EXTL3: variants seen among roughly 807,000 people sequenced by gnomAD.
The protein encoded by EXTL3 is exostosin-like 3.
EXTL3 carries 27 observed loss-of-function variants against 69.3 expected under a neutral mutation model. The ratio of observed to expected loss-of-function variants is 0.39; its 90% CI spans 0.29 to 0.54. The LOEUF is 0.54. EXTL3 is among the 20% of genes least tolerant of loss of function. The probability of loss-of-function intolerance (pLI) is 0.69; values close to 1 mark genes in which losing one functional copy is unlikely to be tolerated. For synonymous variants in EXTL3, 511 were observed against 499.4 expected (o/e 1.02, Z -0.31); for missense variants, 1,003 against 1,231.8 (o/e 0.81, Z 2.78).
At chr8:28,742,865 C>T (rs1801808781) in intron 5 of EXTL3, 2 of 555,644 alleles carry the variant, frequency 3.6e-6, no homozygotes, top group Admixed American at 2.6e-5. Flanking sequence ...CATTCTGTTA[C>T]TAAAGGGGGT....
chr8:28,629,449 G>A (rs75850768), intron 1 of EXTL3, among the ~76,000 whole-genome samples: 3,044 of 152,018 alleles, frequency 0.02, 106 homozygotes, highest in African/African-American at 0.071. Context: ...TCTGAGGGCC[G>A]ACAACGTGTC....
At chr8:28,668,841 C>G (rs898920269) in intron 1 of EXTL3, among the ~76,000 whole-genome samples, 6 of 149,566 alleles carry the variant, frequency 4.0e-5, no homozygotes, top group Non-Finnish European at 7.4e-5. Flanking sequence ...CAATAGCATA[C>G]CCCTGCCTCC....
chr8:28,685,682 A>G (rs1007581667), intron 1 of EXTL3, among the ~76,000 whole-genome samples: 5 of 151,962 alleles, frequency 3.3e-5, no homozygotes, highest in African/African-American at 1.2e-4. Context: ...CCAGAATTAT[A>G]TGGCATTTTG....
intron 3 of EXTL3, chr8:28,730,348 C>G (rs1801511624): frequency 6.6e-6 from 1 of 152,068 alleles, no homozygotes; most frequent in Admixed American, 6.6e-5. Flanking sequence ...TAATGGTTCC[C>G]CTTTGGTTGG....
At chr8:28,647,959 G>T (rs540444247) in intron 1 of EXTL3, among the ~76,000 whole-genome samples, 130 of 138,244 alleles carry the variant, frequency 9.4e-4, no homozygotes, top group African/African-American at 3.7e-3. Context: ...ATGGGTTGGG[G>T]GTGGGTTGGG....
upstream of EXTL3, among the ~76,000 whole-genome samples, chr8:28,619,306 A>C (rs981441252): frequency 3.7e-5 from 4 of 108,286 alleles, no homozygotes; most frequent in East Asian, 2.5e-4. Context: ...AAAAAAAAAA[A>C]AAAAAAAAAC....
rs559155488 is a variant in EXTL3, at chr8:28,728,918, G to A, written c.2149-2305G>A. ...TAAAAGAAAAAAAAATTTAAGTTCT[G>A]TAATCAAGTAAACAAGGGATCATCA... On this transcript the variant is annotated intron_variant, in intron 3 of 6. Transcript: ENST00000220562. Among the ~76,000 whole-genome samples the A allele has an allele frequency of 2.0e-5, 3 of 152,150 alleles. No individual in the cohort carries two copies. The South Asian group carries it at 6.2e-4, about 32-fold the overall frequency.
chr8:28,663,047 T>C (rs1030746661), intron 1 of EXTL3, among the ~76,000 whole-genome samples: 1 of 152,236 alleles, frequency 6.6e-6, no homozygotes, highest in African/African-American at 2.4e-5. Context: ...AAAAACCCTA[T>C]GCTGATTTAT....
At chr8:28,670,412 C>T (rs1807267827) in intron 1 of EXTL3, among the ~76,000 whole-genome samples, 2 of 152,016 alleles carry the variant, frequency 1.3e-5, no homozygotes, top group African/African-American at 4.8e-5. Flanking sequence ...TTGACTCACA[C>T]AATTATGAAG....
chr8:28,703,155 T>C (rs925750448), intron 1 of EXTL3, among the ~76,000 whole-genome samples: 5 of 152,218 alleles, frequency 3.3e-5, no homozygotes, highest in Admixed American at 6.5e-5. Context: ...CAAGAGAGAA[T>C]CGAGCCTAAG....
rs201017741 is a variant in EXTL3 at position 28,743,249 on chromosome 8, T to C, written c.2550+35T>C. On this transcript the variant is annotated intron_variant, in intron 6 of 6. Transcript: ENST00000220562. ...CACCACTGGTGGGGCTGTGGATGCG[T>C]GCATGTTTACTTCACTTGTTTTGCA... The C allele has an allele frequency of 1.2e-5, 19 of 1,613,772 alleles. No individual in the cohort carries two copies. In the Middle Eastern group the frequency reaches 5.0e-4, roughly 42 times the overall value.
intron 6 of EXTL3, among the ~76,000 whole-genome samples, chr8:28,747,961 C>T (rs1801924305): frequency 6.6e-6 from 1 of 152,132 alleles, no homozygotes; most frequent in Admixed American, 6.5e-5. Context: ...AAACTGAGCT[C>T]AAGTGATCCG....
intron 1 of EXTL3, among the ~76,000 whole-genome samples, chr8:28,703,809 TAGCTC>T (rs1040291259): frequency 1.3e-5 from 2 of 152,248 alleles, no homozygotes; most frequent in African/African-American, 2.4e-5. Flanking sequence ...TTATTAAGTT[TAGCTC>T]AGAAAACTTC....
chr8:28,639,632 A>G (rs2130580154), intron 1 of EXTL3, among the ~76,000 whole-genome samples: 1 of 151,708 alleles, frequency 6.6e-6, no homozygotes, highest in South Asian at 2.1e-4. Context: ...CAGTTGAGCC[A>G]CTCCCTCCAC....
rs114837731 is a variant in EXTL3 at position 28,711,582 on chromosome 8, A to G, written c.-569-1875A>G. ...TCAGGGAGATTATGTAACATTCCCA[A>G]ATTCTCAAGGCTGAGCTGCATCCTG... is the stretch of plus-strand genomic sequence containing the variant. On this transcript the variant is annotated intron_variant, in intron 1 of 6. Transcript: ENST00000220562. Among the ~76,000 whole-genome samples, 481 of 152,268 alleles carry G rather than the reference A, an allele frequency of 3.2e-3. 6 individuals carry two copies. The highest frequency in any genetic ancestry group is 0.011 in the African/African-American group (454 of 41,546).
At chr8:28,744,349 C>G (rs1801839424) in intron 6 of EXTL3, among the ~76,000 whole-genome samples, 1 of 152,200 alleles carries the variant, frequency 6.6e-6, no homozygotes, top group Non-Finnish European at 1.5e-5. Flanking sequence ...TCATGGGTGA[C>G]ATTGCCATGA....
chr8:28,625,518 G>T (rs1415185377), intron 1 of EXTL3, among the ~76,000 whole-genome samples: 1 of 152,176 alleles, frequency 6.6e-6, no homozygotes, highest in African/African-American at 2.4e-5. Context: ...GGTTATAGAA[G>T]TAGTTATTCT....
At chr8:28,656,454 C>T (rs1207313242) in intron 1 of EXTL3, among the ~76,000 whole-genome samples, 2 of 152,162 alleles carry the variant, frequency 1.3e-5, no homozygotes, top group African/African-American at 4.8e-5. Flanking sequence ...TGAGCCACTG[C>T]GCCCAACCTG....
chr8:28,710,180 T>C (rs543049253), intron 1 of EXTL3, among the ~76,000 whole-genome samples: 10 of 152,200 alleles, frequency 6.6e-5, no homozygotes, highest in Non-Finnish European at 1.3e-4. Context: ...TTGCTGCCAT[T>C]GAACGTCTGA....
Sources: gnomAD v4.1 joint callset for allele counts (sites outside exome capture counted in the v4.1 genomes callset) on GRCh38, gnomAD v4.1.1 for gene constraint, MANE v1.5 for transcripts, NCBI Gene and HGNC (gene_info 2026-07-23, HGNC 2026-07-21) for gene names.